The following ANO3 variants were observed in gnomAD, a reference collection of about 807,000 sequenced individuals.
The protein encoded by ANO3 is anoctamin 3, also known as anoctamin-3.
A neutral mutation model predicts 144.8 loss-of-function variants in ANO3; 99 were observed. The observed-to-expected ratio is 0.68, with a 90% CI of 0.58 to 0.81. The LOEUF (loss-of-function observed/expected upper bound fraction) is 0.81, where lower values mean the gene tolerates loss of function less well. Ranked by LOEUF, ANO3 falls within the 30% of genes least tolerant of loss-of-function variation. ANO3 has a pLI of 0.00. For missense variants in ANO3, 905 were observed against 1,202.2 expected (o/e 0.75, Z 3.66); for synonymous variants, 414 against 392.6 (o/e 1.05, Z -0.64).
chr11:26,256,418 T>C (rs578118759), intron 1 of ANO3, among the ~76,000 whole-genome samples: 19 of 152,308 alleles, frequency 1.2e-4, no homozygotes, highest in Admixed American at 1.1e-3. Context: ...CTTAAATATA[T>C]AATAATTTTT....
At position 26,634,322 on chromosome 11, in the gene ANO3, C is replaced by G. The variant is rs749540548; in HGVS notation, c.1985+7C>G. The G allele has an allele frequency of 6.4e-7, 1 of 1,552,120 alleles. No homozygotes were observed. The highest frequency in any genetic ancestry group is 1.7e-5 in the Admixed American group (1 of 59,882). Reference sequence around the variant, plus strand: ...TCGCTTTCTTTTTGGGAAGGTAAGTCAACTTTTTGTACATTATCTTCGCAG... The same window carrying G: ...TCGCTTTCTTTTTGGGAAGGTAAGTGAACTTTTTGTACATTATCTTCGCAG... On this transcript the variant is annotated splice_region_variant and intron_variant, in intron 19 of 26. Coordinates refer to ENST00000256737, the MANE Select transcript of ANO3 (RefSeq NM_031418.4).
intron 23 of ANO3, among the ~76,000 whole-genome samples, chr11:26,643,602 A>G (rs1208524306): frequency 1.3e-5 from 2 of 151,984 alleles, no homozygotes; most frequent in African/African-American, 4.8e-5. Flanking sequence ...CTAAAAATAC[A>G]AAATTAGCCG....
chr11:26,189,665 T>TTAACC (rs1305874469), intron 1 of ANO3, among the ~76,000 whole-genome samples: 1 of 152,210 alleles, frequency 6.6e-6, no homozygotes, highest in Non-Finnish European at 1.5e-5. Flanking sequence ...ATCAGGAATC[T>TTAACC]TAACCATAAA....
intron 1 of ANO3, among the ~76,000 whole-genome samples, chr11:26,219,668 A>G (rs1490996665): frequency 6.6e-6 from 1 of 152,212 alleles, no homozygotes; most frequent in Non-Finnish European, 1.5e-5. Flanking sequence ...AAACGTTCAT[A>G]AGTCTAACGA....
At chr11:26,221,167 C>T (rs1206324242) in intron 1 of ANO3, among the ~76,000 whole-genome samples, 1 of 152,158 alleles carries the variant, frequency 6.6e-6, no homozygotes, top group Non-Finnish European at 1.5e-5. Flanking sequence ...TGTGGTGTGA[C>T]AAAGGACTAA....
chr11:26,280,754 T>C (rs1853660325), intron 1 of ANO3, among the ~76,000 whole-genome samples: 1 of 152,192 alleles, frequency 6.6e-6, no homozygotes, highest in Admixed American at 6.5e-5. Context: ...CCAATAAGCA[T>C]GAATTTGTTC....
intron 4 of ANO3, among the ~76,000 whole-genome samples, chr11:26,488,787 A>G (rs1860575168): frequency 6.6e-6 from 1 of 152,134 alleles, no homozygotes; most frequent in Non-Finnish European, 1.5e-5. Flanking sequence ...TGAAGAGCAA[A>G]AGAACAAAGC....
intron 1 of ANO3, among the ~76,000 whole-genome samples, chr11:26,274,784 G>A (rs1407315499): frequency 2.6e-5 from 4 of 151,964 alleles, no homozygotes; most frequent in South Asian, 2.1e-4. Context: ...AGATACTTCA[G>A]TGATATACCA....
At chr11:26,523,000 C>T (rs1005157804) in intron 6 of ANO3, among the ~76,000 whole-genome samples, 14 of 152,134 alleles carry the variant, frequency 9.2e-5, no homozygotes, top group Non-Finnish European at 1.8e-4. Context: ...AATTTATAAA[C>T]GGAAATGGTT....
At chr11:26,396,264 G>C (rs1857011152) in intron 1 of ANO3, among the ~76,000 whole-genome samples, 1 of 152,146 alleles carries the variant, frequency 6.6e-6, no homozygotes, top group Admixed American at 6.5e-5. Flanking sequence ...AGTTAGAGTG[G>C]TGATCATTAA....
intron 11 of ANO3, among the ~76,000 whole-genome samples, chr11:26,546,815 A>G (rs1046544825): frequency 6.6e-6 from 1 of 151,976 alleles, no homozygotes; most frequent in African/African-American, 2.4e-5. Flanking sequence ...GCAGCTTACA[A>G]TCGTATAGGG....
At chr11:26,232,276 C>T (rs1378600627) in intron 1 of ANO3, among the ~76,000 whole-genome samples, 1 of 152,062 alleles carries the variant, frequency 6.6e-6, no homozygotes, top group Non-Finnish European at 1.5e-5. Flanking sequence ...GGGTGAAAAG[C>T]TGGTGGTAGG....
At chr11:26,290,541 A>AGG (rs1853932517) in intron 1 of ANO3, among the ~76,000 whole-genome samples, 2 of 152,072 alleles carry the variant, frequency 1.3e-5, no homozygotes, top group Non-Finnish European at 2.9e-5. Context: ...TCTCTTGTGT[A>AGG]CATTTAGTGC....
chr11:26,338,035 G>C (rs1386800347), intron 1 of ANO3, among the ~76,000 whole-genome samples: 1 of 151,820 alleles, frequency 6.6e-6, no homozygotes, highest in Non-Finnish European at 1.5e-5. Flanking sequence ...CACCACCTCT[G>C]TGCCTTTGAA....
chr11:26,517,031 C>A, intron 6 of ANO3, 104 bp downstream of exon 6: 1 of 549,128 alleles, frequency 1.8e-6, no homozygotes, highest in Non-Finnish European at 3.0e-6. Context: ...AGAGAAAATG[C>A]TTTTTCTTTC....
intron 12 of ANO3, among the ~76,000 whole-genome samples, chr11:26,551,360 A>G (rs1849927226): frequency 8.3e-6 from 1 of 121,120 alleles, no homozygotes. Flanking sequence ...AAATTAAGAA[A>G]CACTCATGAT....
At chr11:26,438,611 A>AAAAAAAAAAAAAAAG (rs1858389741) in intron 1 of ANO3, among the ~76,000 whole-genome samples, 9 of 35,500 alleles carry the variant, frequency 2.5e-4, no homozygotes, top group Admixed American at 5.1e-4. Context: ...AAAAAAAAGA[A>AAAAAAAAAAAAAAAG]AAAAAAAAAA....
At chr11:26,494,052 G>A (rs887261568) in intron 4 of ANO3, among the ~76,000 whole-genome samples, 1 of 152,100 alleles carries the variant, frequency 6.6e-6, no homozygotes, top group Non-Finnish European at 1.5e-5. Context: ...TCATTTTAAT[G>A]TGTATTACAA....
At chr11:26,369,498 A>G (rs1250952236) in intron 1 of ANO3, among the ~76,000 whole-genome samples, 1 of 152,148 alleles carries the variant, frequency 6.6e-6, no homozygotes, top group Non-Finnish European at 1.5e-5. Flanking sequence ...GGTATTATAT[A>G]AAGCTAATTT....
Sources: gnomAD v4.1 joint callset for allele counts (sites outside exome capture counted in the v4.1 genomes callset) on GRCh38, gnomAD v4.1.1 for gene constraint, MANE v1.5 for transcripts, NCBI Gene and HGNC (gene_info 2026-07-23, HGNC 2026-07-21) for gene names.